Variants in KIF21B observed in about 807,000 individuals in gnomAD.
KIF21B encodes kinesin family member 21B, also known as kinesin-like protein KIF21B.
A neutral mutation model predicts 192.9 loss-of-function variants in KIF21B; 85 were observed. That is an observed-to-expected ratio of 0.44 (90% CI 0.37 to 0.53). The LOEUF (loss-of-function observed/expected upper bound fraction) is 0.53, where lower values mean the gene tolerates loss of function less well. Among genes scored for constraint, KIF21B ranks in the 20% least tolerant of loss-of-function variants. KIF21B has a pLI of 0.00. For synonymous variants in KIF21B, 832 were observed against 884.6 expected (o/e 0.94, Z 1.05); for missense variants, 1,716 against 2,194.8 (o/e 0.78, Z 4.36).
At chr1:201,002,680 G>A (rs534775104) in intron 8 of KIF21B, 5 of 274,364 alleles carry the variant, frequency 1.8e-5, no homozygotes, top group Admixed American at 9.1e-5. Context: ...CTGCCAGGCA[G>A]TTGGCATAAA....
At chr1:200,987,925 G>A (rs186767397) in intron 24 of KIF21B, among the ~76,000 whole-genome samples, 3 of 152,272 alleles carry the variant, frequency 2.0e-5, no homozygotes, top group South Asian at 2.1e-4. Flanking sequence ...CTGTGTGCAC[G>A]TAAGATAACC....
intron 15 of KIF21B, among the ~76,000 whole-genome samples, chr1:200,995,308 C>T (rs2102422759): frequency 6.6e-6 from 1 of 152,318 alleles, no homozygotes; most frequent in African/African-American, 2.4e-5. Context: ...CTGGGGCTGC[C>T]ACCAGTGCCC....
At chr1:200,992,704 A>C (rs1656787211) in intron 15 of KIF21B, among the ~76,000 whole-genome samples, 1 of 152,136 alleles carries the variant, frequency 6.6e-6, no homozygotes, top group Non-Finnish European at 1.5e-5. Context: ...ACCCACAGCC[A>C]CTGTCCTGTG....
chr1:200,995,019 C>A (rs1307169141), intron 15 of KIF21B, among the ~76,000 whole-genome samples: 1 of 152,248 alleles, frequency 6.6e-6, no homozygotes, highest in African/African-American at 2.4e-5. Context: ...GCAGGGACTT[C>A]TCCACTCTAG....
At chr1:201,014,517 T>C (rs542884209) in intron 1 of KIF21B, among the ~76,000 whole-genome samples, 2 of 152,316 alleles carry the variant, frequency 1.3e-5, no homozygotes, top group South Asian at 4.1e-4. Flanking sequence ...ACTGGGCACA[T>C]CTGGGCACGT....
chr1:200,988,997 A>C, intron 21 of KIF21B, 66 bp from the exon 22 acceptor site: 1 of 1,480,236 alleles, frequency 6.8e-7, no homozygotes, highest in African/African-American at 1.4e-5. Context: ...ATATCACACA[A>C]CCTGCACCCC....
chr1:200,990,807 C>T lies in KIF21B; in HGVS notation c.2688-84G>A, dbSNP rs564284260. ...TGAGCCCCCATCTGGAGCTGACAGC[C>T]ACGGGGACCCGGAGCACTCCCCAGA... On this transcript the variant is annotated intron_variant, in intron 18 of 34. Coordinates refer to ENST00000461742, the MANE Select transcript of KIF21B (RefSeq NM_001252102.2). This position sits in a 1 kb window ranked among gnomAD's most constrained non-coding sequence, Gnocchi z 5.4. The T allele has an allele frequency of 8.6e-5, 137 of 1,593,224 alleles. 1 individual carries two copies. The highest frequency in any genetic ancestry group is 1.1e-4 in the Non-Finnish European group (128 of 1,165,322).
intron 16 of KIF21B, among the ~76,000 whole-genome samples, 173 bp from the exon 17 acceptor site, chr1:200,991,898 A>G (rs1489912781): frequency 3.3e-5 from 5 of 152,254 alleles, no homozygotes; most frequent in African/African-American, 1.2e-4. Context: ...CAGAGGTTGC[A>G]GTGAAAACTG....
intron 1 of KIF21B, among the ~76,000 whole-genome samples, chr1:201,016,054 C>A (rs1658481785): frequency 6.6e-6 from 1 of 152,200 alleles, no homozygotes; most frequent in South Asian, 2.1e-4. Flanking sequence ...TGTGTTAAGA[C>A]AACCCTGTGA....
intron 3 of KIF21B, among the ~76,000 whole-genome samples, chr1:201,007,691 C>T (rs1657984925): frequency 6.6e-6 from 1 of 151,482 alleles, no homozygotes; most frequent in Non-Finnish European, 1.5e-5. Context: ...CGCACAGACA[C>T]ACACAGACAG....
At position 201,000,280 on chromosome 1, in the gene KIF21B, C is replaced by T. The variant is rs1279763158; in HGVS notation, c.1685+110G>A. 5.4e-6 allele frequency: 6 copies of T among 1,111,514 alleles called. No homozygotes were observed. The highest frequency in any genetic ancestry group is 3.1e-5 in the African/African-American group (2 of 64,026). The allele number at this position is 1,111,514 out of a possible 1,614,324, so 68.9% of individuals were successfully genotyped here. A position where few individuals can be genotyped will look rare whatever the true frequency, so the allele number is the denominator to read the frequency against. ...CTGAGGCAGCCCCTGGGGCTGGGGGCGTGGAGGTTCCCTCCTAAACACTGG... is the reference window on the plus strand; with the variant it reads ...CTGAGGCAGCCCCTGGGGCTGGGGGTGTGGAGGTTCCCTCCTAAACACTGG... On this transcript the variant is annotated intron_variant, in intron 11 of 34. Coordinates refer to ENST00000461742, the MANE Select transcript of KIF21B (RefSeq NM_001252102.2). The surrounding 1 kb of genome is among the most constrained non-coding windows in gnomAD (Gnocchi z 6.0).
chr1:201,006,654 A>G (rs1366738306), intron 3 of KIF21B, among the ~76,000 whole-genome samples: 1 of 152,182 alleles, frequency 6.6e-6, no homozygotes, highest in African/African-American at 2.4e-5. Context: ...GGTTCACCCT[A>G]TGGAACTGAT....
At chr1:201,020,006 C>A (rs1658727688) in intron 1 of KIF21B, among the ~76,000 whole-genome samples, 1 of 152,178 alleles carries the variant, frequency 6.6e-6, no homozygotes, top group Non-Finnish European at 1.5e-5. Flanking sequence ...GGGGTGCAAT[C>A]TAACATTGTC....
intron 3 of KIF21B, 84 bp downstream of exon 3, chr1:201,008,684 TC>T: frequency 7.9e-7 from 1 of 1,268,280 alleles, no homozygotes; most frequent in African/African-American, 1.5e-5. Flanking sequence ...CAGGACTCAT[TC>T]CACTGCACTG....
intron 1 of KIF21B, among the ~76,000 whole-genome samples, chr1:201,010,725 G>T (rs1230433214): frequency 6.6e-6 from 1 of 152,238 alleles, no homozygotes; most frequent in Non-Finnish European, 1.5e-5. Flanking sequence ...CCTGGGCCCA[G>T]AGGCGCCTGG....
In KIF21B at chr1:200,982,148, C is replaced by T. The variant is rs751256076; in HGVS notation, c.3842+908G>A. ...CTGCCAGCCAGGTGCCACACATGCACAAATAGCTCCCCAAGCTGCTCCAGC... is the reference window on the plus strand; with the variant it reads ...CTGCCAGCCAGGTGCCACACATGCATAAATAGCTCCCCAAGCTGCTCCAGC... On this transcript the variant is annotated intron_variant, in intron 28 of 34. Transcript: ENST00000461742. The surrounding 1 kb of genome is among the most constrained non-coding windows in gnomAD (Gnocchi z 4.7). Among the ~76,000 whole-genome samples the T allele has an allele frequency of 1.1e-4, 16 of 152,152 alleles. No homozygotes were observed. Among genetic ancestry groups the T allele is most frequent in the Non-Finnish European group, 2.2e-4 (15 of 68,020 alleles).
At chr1:201,003,903 G>C in intron 7 of KIF21B, 122 bp from the exon 8 acceptor site, 1 of 985,790 alleles carries the variant, frequency 1.0e-6, no homozygotes, top group Non-Finnish European at 1.6e-6. Flanking sequence ...CAAAGCACGT[G>C]GGCATTCAGG....
In KIF21B at chr1:200,977,265, G is replaced by T. The variant is rs138463308; in HGVS notation, c.4272C>A (p.Gly1424=). Residue 1424 remains glycine (G), a synonymous_variant, in exon 31 of 35, where the codon GGC becomes GGA. Coordinates refer to ENST00000461742, the MANE Select transcript of KIF21B (RefSeq NM_001252102.2). The stretch of plus-strand genomic sequence containing the variant: ...TGCCCGAGGCGGCGTACAGCATGGT[G>T]CCCGAAGGGCTGAGGGCGATCTGGT... The part of the protein sequence containing the change: ...QINQIALSPS[G]TMLYAASGNA... 1.2e-6 allele frequency: 2 copies of T among 1,614,048 alleles called. No homozygotes were observed. The highest frequency in any genetic ancestry group is 2.7e-5 in the African/African-American group (2 of 74,952).
chr1:201,009,094 G>C, intron 2 of KIF21B, 143 bp from the exon 3 acceptor site: 7 of 1,193,094 alleles, frequency 5.9e-6, no homozygotes, highest in Non-Finnish European at 8.1e-6. Context: ...CCACACTCTG[G>C]GGAAATCACT....
Sources: gnomAD v4.1 joint callset for allele counts (sites outside exome capture counted in the v4.1 genomes callset) on GRCh38, gnomAD v4.1.1 for gene constraint, Gnocchi (gnomAD v3.1) non-coding constraint, MANE v1.5 for transcripts, NCBI Gene and HGNC (gene_info 2026-07-23, HGNC 2026-07-21) for gene names.